The following MAP3K6 variants were observed in gnomAD, a reference collection of about 807,000 sequenced individuals.
MAP3K6 encodes the protein apoptosis signal-regulating kinase 2.
In MAP3K6, 105 loss-of-function variants were observed where a neutral mutation model predicts 147.1. The observed-to-expected ratio is 0.71, with a 90% CI of 0.61 to 0.84. The LOEUF (loss-of-function observed/expected upper bound fraction) is 0.84. Among genes scored for constraint, MAP3K6 ranks in the 40% least tolerant of loss-of-function variants. The pLI is 0.00. For synonymous variants in MAP3K6, 695 were observed against 732.4 expected (o/e 0.95, Z 0.82); for missense variants, 1,569 against 1,715.0 (o/e 0.91, Z 1.50).
At position 27,366,369 on chromosome 1, in the gene MAP3K6, C is replaced by A. The variant is rs1159111544; in HGVS notation, c.229G>T (p.Glu77Ter). 2.4e-6 allele frequency: 3 copies of A among 1,272,380 alleles called. No individual in the cohort carries two copies. Among genetic ancestry groups the A allele is most frequent in the African/African-American group, 3.1e-5 (2 of 64,358 alleles). The allele number at this position is 1,272,380 out of a possible 1,614,324, so 78.8% of individuals were successfully genotyped here. ...GGCCGGGGGACCTGCGCGCAAGCCT[C>A]GCGCAGGCAGCGCAGGGGCAGCGGC... is the stretch of plus-strand genomic sequence containing the variant. ...AEPLPLRCLR[E>*]ACAQVPRPRP... Residue 77 changes from glutamate (E) to a stop codon, truncating the protein, a stop_gained, in exon 1 of 29, where the codon GAG (glutamate) becomes TAG (stop). Coordinates refer to ENST00000357582, the MANE Select transcript of MAP3K6 (RefSeq NM_004672.5). LOFTEE classifies it high-confidence loss of function. The surrounding 1 kb of genome is among the most constrained non-coding windows in gnomAD (Gnocchi z 5.5).
chr1:27,362,829 G>A (rs764701433), intron 7 of MAP3K6, 22 bp downstream of exon 7: 33 of 1,612,686 alleles, frequency 2.0e-5, no homozygotes, highest in Middle Eastern at 1.6e-4. Context: ...TTAGCCCACC[G>A]GCCACTCACT....
Position 27,360,319 on chromosome 1 carries a change from G to A in MAP3K6, c.2104C>T (p.His702Tyr). ...CCCAGATAGCGCACTATGTTCTTGTGGCGCAGGCGTCTGTGAAGAGCGATC... is the reference window on the plus strand; with the variant it reads ...CCCAGATAGCGCACTATGTTCTTGTAGCGCAGGCGTCTGTGAAGAGCGATC... ...EEIALHRRLR[H>Y]KNIVRYLGSA... The change falls in exon 16 of 29, where the codon CAC becomes TAC. Residue 702 changes from histidine (H) to tyrosine (Y), a missense_variant. His to Tyr is a moderately conservative substitution (Grantham distance 83, BLOSUM62 2). Coordinates refer to ENST00000357582, the MANE Select transcript of MAP3K6 (RefSeq NM_004672.5). The surrounding 1 kb of genome is among the most constrained non-coding windows in gnomAD (Gnocchi z 4.5). The A allele has an allele frequency of 6.2e-7, 1 of 1,614,058 alleles. No homozygotes were observed. Among genetic ancestry groups the A allele is most frequent in the Non-Finnish European group, 8.5e-7 (1 of 1,179,978 alleles).
At position 27,360,634 on chromosome 1, in the gene MAP3K6, G is replaced by A. The variant is rs2015713229; in HGVS notation, c.2054+71C>T. The A allele has an allele frequency of 1.3e-6, 2 of 1,537,362 alleles. No homozygotes were observed. Among genetic ancestry groups the A allele is most frequent in the South Asian group, 2.4e-5 (2 of 82,136 alleles). On this transcript the variant is annotated intron_variant, in intron 15 of 28. Transcript: ENST00000357582. The surrounding 1 kb of genome is among the most constrained non-coding windows in gnomAD (Gnocchi z 4.5). Reference sequence around the variant, plus strand: ...CCACTAGGCCCCGCCCACAGGAGCCGCTCCGCTCGTGGCCCGGCTCACTCG... The same window carrying A: ...CCACTAGGCCCCGCCCACAGGAGCCACTCCGCTCGTGGCCCGGCTCACTCG...
chr1:27,363,643 G>T (rs1257113099), intron 5 of MAP3K6, 95 bp from the exon 6 acceptor site: 4 of 985,504 alleles, frequency 4.1e-6, no homozygotes, highest in Non-Finnish European at 6.0e-6. Context: ...ATCCCACCCA[G>T]CCACCATCTT....
In MAP3K6 at chr1:27,363,942, A is replaced by C. The variant is rs1250219953; in HGVS notation, c.839T>G (p.Leu280Trp). 6.2e-7 allele frequency: 1 copy of C among 1,603,622 alleles called. No homozygotes were observed. The highest frequency in any genetic ancestry group is 1.6e-4 in the Middle Eastern group (1 of 6,078). ...CTGCACATCGCGGTAGGAGAGCAGC[A>C]AGTTCATGATGATGTCGGGGCTCAG... ...ELLSPDIIMN[L>W]LLSYRDVQDY... is the part of the protein sequence containing the mutation. Residue 280 changes from leucine (L) to tryptophan (W), a missense_variant, in exon 5 of 29, where the codon TTG (leucine) becomes TGG (tryptophan). Physicochemically the swap from Leu to Trp is moderately conservative, Grantham distance 61. Coordinates refer to ENST00000357582, the MANE Select transcript of MAP3K6 (RefSeq NM_004672.5).
Position 27,362,111 on chromosome 1 carries a change from A to G in MAP3K6, c.1395T>C (p.Tyr465=). ...TQVVLAAEQL[Y]KLNAPIWYLV... is the part of the protein sequence containing the mutation. Reference sequence around the variant, plus strand: ...CCTACCATATGGGGGCATTGAGCTTATACAGCTGCTCTGCAGCCAGCACCA... The same window carrying G: ...CCTACCATATGGGGGCATTGAGCTTGTACAGCTGCTCTGCAGCCAGCACCA... The change falls in exon 9 of 29, where the codon TAT becomes TAC. Residue 465 remains tyrosine (Y), a synonymous_variant. Coordinates refer to ENST00000357582, the MANE Select transcript of MAP3K6 (RefSeq NM_004672.5). 2 of 1,613,062 alleles carry G rather than the reference A, an allele frequency of 1.2e-6. No individual in the cohort carries two copies. Among genetic ancestry groups the G allele is most frequent in the Non-Finnish European group, 1.7e-6 (2 of 1,179,590 alleles).
At chr1:27,355,833 G>A in intron 27 of MAP3K6, 88 bp from the exon 28 acceptor site, 2 of 1,330,152 alleles carry the variant, frequency 1.5e-6, no homozygotes, top group Admixed American at 1.8e-5. Flanking sequence ...CTGCTCTGTT[G>A]CCAAAATAAT....
Position 27,362,762 on chromosome 1 carries a change from G to A in MAP3K6, c.1143-9C>T, listed in dbSNP as rs1433116926. 6.2e-7 allele frequency: 1 copy of A among 1,612,634 alleles called. No homozygotes were observed. The highest frequency in any genetic ancestry group is 1.3e-5 in the African/African-American group (1 of 75,026). The stretch of plus-strand genomic sequence containing the variant: ...CAAAAGCCTTGCGATACCTGGGGTG[G>A]GGGTAGGGGGCACAGGGCTGGACTG... On this transcript the variant is annotated splice_polypyrimidine_tract_variant and intron_variant, in intron 7 of 28. Transcript: ENST00000357582.
At position 27,360,431 on chromosome 1, in the gene MAP3K6, A is replaced by T; in HGVS notation, c.2055-63T>A. 6.5e-7 allele frequency: 1 copy of T among 1,538,736 alleles called. No homozygotes were observed. Among genetic ancestry groups the T allele is most frequent in the Non-Finnish European group, 8.8e-7 (1 of 1,140,586 alleles). The stretch of plus-strand genomic sequence containing the variant: ...TGGGCAGAGAAGCCCCGCCCATCCC[A>T]CGCCAGCCTGGCCCCGCCCCAAGGA... On this transcript the variant is annotated intron_variant, in intron 15 of 28. Coordinates refer to ENST00000357582, the MANE Select transcript of MAP3K6 (RefSeq NM_004672.5). This position sits in a 1 kb window ranked among gnomAD's most constrained non-coding sequence, Gnocchi z 4.5.
At position 27,364,991 on chromosome 1, in the gene MAP3K6, C is replaced by T. The variant is rs1454435934; in HGVS notation, c.341-79G>A. The T allele has an allele frequency of 2.0e-6, 3 of 1,473,812 alleles. No homozygotes were observed. The East Asian group carries it at 7.0e-5, about 34-fold the overall frequency. 91.3% of individuals were successfully genotyped at this position (1,473,812 alleles called of 1,614,324 possible). A position where few individuals can be genotyped will look rare whatever the true frequency, so the allele number is the denominator to read the frequency against. ...GGAGCCGGGGTCCATCCTGGCTTGACCTGCCTTGCTGTGGGACTCCAGTAG... is the reference window on the plus strand; with the variant it reads ...GGAGCCGGGGTCCATCCTGGCTTGATCTGCCTTGCTGTGGGACTCCAGTAG... On this transcript the variant is annotated intron_variant, in intron 1 of 28. Transcript: ENST00000357582. The surrounding 1 kb of genome is among the most constrained non-coding windows in gnomAD (Gnocchi z 4.4).
In MAP3K6 at chr1:27,366,228, C is replaced by T; in HGVS notation, c.340+30G>A. The T allele has an allele frequency of 1.6e-6, 2 of 1,290,310 alleles. No homozygotes were observed. The highest frequency in any genetic ancestry group is 2.3e-5 in the South Asian group (1 of 42,624). The allele number at this position is 1,290,310 out of a possible 1,614,324, so 79.9% of individuals were successfully genotyped here. A position where few individuals can be genotyped will look rare whatever the true frequency, so the allele number is the denominator to read the frequency against. ...CCCTCCCAGGACCCTGAGTCCCGCC[C>T]GGATCCGGCCCCGCCCCCAGCGCTC... On this transcript the variant is annotated intron_variant, in intron 1 of 28. Coordinates refer to ENST00000357582, the MANE Select transcript of MAP3K6 (RefSeq NM_004672.5). This position sits in a 1 kb window ranked among gnomAD's most constrained non-coding sequence, Gnocchi z 5.5.
In MAP3K6 at chr1:27,366,272, G is replaced by A. The variant is rs2015979947; in HGVS notation, c.326C>T (p.Ala109Val). 2.2e-6 allele frequency: 3 copies of A among 1,336,306 alleles called. No homozygotes were observed. The highest frequency in any genetic ancestry group is 1.9e-5 in the South Asian group (1 of 53,598). 82.8% of individuals were successfully genotyped at this position (1,336,306 alleles called of 1,614,324 possible). The change falls in exon 1 of 29, where the codon GCC becomes GTC. Residue 109 changes from alanine to valine, a missense_variant. Transcript: ENST00000357582. This position sits in a 1 kb window ranked among gnomAD's most constrained non-coding sequence, Gnocchi z 5.5. Reference protein sequence around the residue: ...LELGDTAALDAFYNADVVVLE... With the variant: ...LELGDTAALDVFYNADVVVLE... ...AGCGCTCTCACCCGCGTTGTAGAAGGCATCCAGAGCCGCGGTGTCGCCTAG... is the reference window on the plus strand; with the variant it reads ...AGCGCTCTCACCCGCGTTGTAGAAGACATCCAGAGCCGCGGTGTCGCCTAG...
In MAP3K6 at chr1:27,359,968, C is replaced by G. The variant is rs746032862; in HGVS notation, c.2209G>C (p.Val737Leu). Residue 737 changes from valine to leucine, a missense_variant, in exon 17 of 29, where the codon GTG becomes CTG. Coordinates refer to ENST00000357582, the MANE Select transcript of MAP3K6 (RefSeq NM_004672.5). The surrounding 1 kb of genome is among the most constrained non-coding windows in gnomAD (Gnocchi z 4.4). ...GGSLSSLLRS[V>L]WGPLKDNEST... ...TCGTTGTCCTTCAGGGGTCCCCACA[C>G]CGACCGCAGCAAGGAGGACAGGCTG... 6.2e-7 allele frequency: 1 copy of G among 1,614,118 alleles called. No homozygotes were observed. The highest frequency in any genetic ancestry group is 1.1e-5 in the South Asian group (1 of 91,088).
intron 24 of MAP3K6, 58 bp from the exon 25 acceptor site, chr1:27,356,807 A>G (rs2015543231): frequency 2.0e-6 from 3 of 1,517,960 alleles, no homozygotes; most frequent in Admixed American, 2.1e-5. Flanking sequence ...GGAACCCCAG[A>G]CCCCAAAGTG....
At chr1:27,363,388 T>A (rs2015855382) in intron 6 of MAP3K6, 54 bp downstream of exon 6, 2 of 1,459,726 alleles carry the variant, frequency 1.4e-6, no homozygotes, top group Non-Finnish European at 9.4e-7. Context: ...CGCAGAGACC[T>A]AGGTTTCGGA....
chr1:27,364,496 G>A lies in MAP3K6; in HGVS notation c.505-102C>T. On this transcript the variant is annotated intron_variant, in intron 3 of 28. Coordinates refer to ENST00000357582, the MANE Select transcript of MAP3K6 (RefSeq NM_004672.5). The surrounding 1 kb of genome is among the most constrained non-coding windows in gnomAD (Gnocchi z 4.4). ...GTCAGCATCAGTGGGAATTGGAATC[G>A]CAGGAAAGGGGCACCCGTCATGAGA... 8 of 1,538,308 alleles carry A rather than the reference G, an allele frequency of 5.2e-6. No individual in the cohort carries two copies. The highest frequency in any genetic ancestry group is 1.7e-4 in the Middle Eastern group (1 of 5,860).
Position 27,358,950 on chromosome 1 carries a change from C to A in MAP3K6, c.2426-84G>T. ...GGAGGGGAATGCCGTCATCCTCAGG[C>A]CGACTGCACCCATACTGAACCTATC... On this transcript the variant is annotated intron_variant, in intron 18 of 28. Transcript: ENST00000357582. This position sits in a 1 kb window ranked among gnomAD's most constrained non-coding sequence, Gnocchi z 6.2. 7.4e-7 allele frequency: 1 copy of A among 1,348,990 alleles called. No individual in the cohort carries two copies. The allele number at this position is 1,348,990 out of a possible 1,614,324, so 83.6% of individuals were successfully genotyped here. A position where few individuals can be genotyped will look rare whatever the true frequency, so the allele number is the denominator to read the frequency against.
rs1210319696 is a variant in MAP3K6 at position 27,364,566 on chromosome 1, G to A, written c.504+95C>T. On this transcript the variant is annotated intron_variant, in intron 3 of 28. Coordinates refer to ENST00000357582, the MANE Select transcript of MAP3K6 (RefSeq NM_004672.5). The surrounding 1 kb of genome is among the most constrained non-coding windows in gnomAD (Gnocchi z 4.4). ...GGAATACTTGGGATGTCAGTGGGGG[G>A]TTAGGTGACTGAGGAGGCCAGGGGG... 2 of 1,582,684 alleles carry A rather than the reference G, an allele frequency of 1.3e-6. No individual in the cohort carries two copies. Among genetic ancestry groups the A allele is most frequent in the Non-Finnish European group, 8.7e-7 (1 of 1,151,810 alleles).
intron 23 of MAP3K6, 113 bp from the exon 24 acceptor site, chr1:27,357,227 G>T: frequency 1.6e-6 from 2 of 1,262,770 alleles, no homozygotes; most frequent in Non-Finnish European, 2.2e-6. Context: ...GGGCGGGCTT[G>T]AGGTCCAGGG....
Sources: gnomAD v4.1 joint callset for allele counts on GRCh38, gnomAD v4.1.1 for gene constraint, Gnocchi (gnomAD v3.1) non-coding constraint, MANE v1.5 for transcripts, NCBI Gene and HGNC (gene_info 2026-07-23, HGNC 2026-07-21) for gene names.